The following ANKS1B variants were observed in gnomAD, a reference collection of about 807,000 sequenced individuals.
The protein encoded by ANKS1B is ankyrin repeat and sterile alpha motif domain-containing protein 1B.
ANKS1B carries 36 observed loss-of-function variants against 148.3 expected under a neutral mutation model. The observed-to-expected ratio is 0.24, with a 90% CI of 0.19 to 0.32. The LOEUF is 0.32. Among genes scored for constraint, ANKS1B ranks in the 10% least tolerant of loss-of-function variants. The pLI is 1.00. For missense variants in ANKS1B, 1,157 were observed against 1,542.6 expected (o/e 0.75, Z 4.19); for synonymous variants, 542 against 560.8 (o/e 0.97, Z 0.47).
At chr12:99,532,881 T>C (rs879111103) in intron 9 of ANKS1B, among the ~76,000 whole-genome samples, 23 of 152,198 alleles carry the variant, frequency 1.5e-4, no homozygotes, top group African/African-American at 5.3e-4. Flanking sequence ...CATTTGTCTC[T>C]GTGCCTATTT....
intron 10 of ANKS1B, among the ~76,000 whole-genome samples, chr12:99,475,073 C>G (rs918690789): frequency 6.7e-6 from 1 of 149,758 alleles, no homozygotes; most frequent in Admixed American, 6.7e-5. Flanking sequence ...GCCATCTGTA[C>G]TAAAAATACA....
intron 11 of ANKS1B, among the ~76,000 whole-genome samples, chr12:99,409,682 T>C (rs149208070): frequency 1.1e-3 from 167 of 152,096 alleles, no homozygotes; most frequent in African/African-American, 3.7e-3. Flanking sequence ...GAGATATCTA[T>C]GTGGAGAAAT....
At chr12:99,050,670 A>C (rs1447628487) in intron 17 of ANKS1B, among the ~76,000 whole-genome samples, 1 of 148,188 alleles carries the variant, frequency 6.7e-6, no homozygotes, top group South Asian at 2.1e-4. Context: ...GGAAAAGACC[A>C]GTTTTCTTTT....
At chr12:99,564,086 T>C (rs2097364439) in intron 9 of ANKS1B, among the ~76,000 whole-genome samples, 2 of 152,318 alleles carry the variant, frequency 1.3e-5, no homozygotes, top group South Asian at 4.1e-4. Context: ...TTTGTTTTGG[T>C]CTTGCACCAT....
intron 9 of ANKS1B, among the ~76,000 whole-genome samples, chr12:99,508,379 A>G (rs1789331847): frequency 6.6e-6 from 1 of 151,882 alleles, no homozygotes; most frequent in African/African-American, 2.4e-5. Context: ...AATGAAATCA[A>G]GAGATGATAA....
intron 17 of ANKS1B, among the ~76,000 whole-genome samples, chr12:98,952,517 G>T (rs1036333987): frequency 5.3e-5 from 8 of 152,076 alleles, no homozygotes; most frequent in African/African-American, 1.9e-4. Flanking sequence ...CCCTAAATAA[G>T]GACACGTCTG....
At chr12:98,957,265 A>G (rs927573893) in intron 17 of ANKS1B, among the ~76,000 whole-genome samples, 2 of 151,990 alleles carry the variant, frequency 1.3e-5, no homozygotes, top group African/African-American at 4.8e-5. Context: ...AGTGAACCCA[A>G]TTGCATTGGA....
chr12:99,528,349 G>C (rs999349939), intron 9 of ANKS1B, among the ~76,000 whole-genome samples: 18 of 149,092 alleles, frequency 1.2e-4, no homozygotes, highest in African/African-American at 3.2e-4. Context: ...AAAAACAATT[G>C]CAACAAAACC....
chr12:99,314,246 CA>C (rs2083641525), intron 12 of ANKS1B, among the ~76,000 whole-genome samples: 2 of 152,104 alleles, frequency 1.3e-5, no homozygotes, highest in African/African-American at 4.8e-5. Flanking sequence ...AACTACACAC[CA>C]CTGCTCAAGG....
chr12:99,855,254 A>G (rs1301783594), intron 1 of ANKS1B, among the ~76,000 whole-genome samples: 1 of 152,120 alleles, frequency 6.6e-6, no homozygotes, highest in Non-Finnish European at 1.5e-5. Flanking sequence ...GGAGTAACTA[A>G]TATATATTCT....
At chr12:99,472,120 A>G (rs141394438) in intron 10 of ANKS1B, among the ~76,000 whole-genome samples, 3,132 of 152,270 alleles carry the variant, frequency 0.021, 39 homozygotes, top group Middle Eastern at 0.041. Context: ...GTCTGACCTA[A>G]AAGAAAATAT....
rs144456357 is a variant in ANKS1B at position 99,199,596 on chromosome 12, A to C, written c.2419+44746T>G. The stretch of plus-strand genomic sequence containing the variant: ...TTTTTTCTACTATTGAGGCACCTGA[A>C]ATTGGATGATGAGATTTCCAATGTG... On this transcript the variant is annotated intron_variant, in intron 14 of 26. Coordinates refer to ENST00000683438, the MANE Select transcript of ANKS1B (RefSeq NM_001352186.2). Among the ~76,000 whole-genome samples the C allele has an allele frequency of 6.0e-4, 91 of 152,268 alleles. 2 individuals are homozygous for C. In the East Asian group the frequency reaches 0.015, roughly 25 times the overall value.
intron 9 of ANKS1B, among the ~76,000 whole-genome samples, chr12:99,511,736 T>C (rs941756216): frequency 9.9e-5 from 15 of 151,960 alleles, no homozygotes; most frequent in African/African-American, 3.1e-4. Context: ...TGGAACAGAA[T>C]AGAGAACTCA....
Position 98,745,174 on chromosome 12 carries a change from CAA to C in ANKS1B, c.*563_*564del. 1.0e-6 allele frequency: 1 copy of C among 985,686 alleles called. No homozygotes were observed. Among genetic ancestry groups the C allele is most frequent in the Non-Finnish European group, 1.2e-6 (1 of 829,918 alleles). The allele number at this position is 985,686 out of a possible 1,614,324, so 61.1% of individuals were successfully genotyped here. ...CATAGGTGATTACATATAAAATCCA[CAA>C]ATATAGAAATGGGGAAACAGAATCT... On this transcript the variant is annotated 3_prime_UTR_variant, in exon 27 of 27. Coordinates refer to ENST00000683438, the MANE Select transcript of ANKS1B (RefSeq NM_001352186.2).
At chr12:99,593,709 A>C (rs2097727305) in intron 9 of ANKS1B, among the ~76,000 whole-genome samples, 1 of 152,154 alleles carries the variant, frequency 6.6e-6, no homozygotes, top group South Asian at 2.1e-4. Flanking sequence ...TGTTAAATGA[A>C]GTAAAATGCC....
intron 15 of ANKS1B, among the ~76,000 whole-genome samples, chr12:99,146,166 C>T (rs2073003470): frequency 6.6e-6 from 1 of 152,034 alleles, no homozygotes; most frequent in African/African-American, 2.4e-5. Flanking sequence ...CTACTATATG[C>T]CAAGCCCTGT....
chr12:99,458,245 T>TATCA (rs1424007859), intron 10 of ANKS1B, among the ~76,000 whole-genome samples: 1 of 151,878 alleles, frequency 6.6e-6, no homozygotes, highest in African/African-American at 2.4e-5. Context: ...TGACACAACC[T>TATCA]ATCAAAACCT....
Position 99,621,990 on chromosome 12 carries a change from A to G in ANKS1B, c.1272+33077T>C, listed in dbSNP as rs376173690. On this transcript the variant is annotated intron_variant, in intron 9 of 26. Transcript: ENST00000683438. ...ACACATGGAACTTACTCCAAGATCA[A>G]CCACATGCTTGACCAGAAGGCAAAT... 1.6e-3 allele frequency among the ~76,000 whole-genome samples: 248 copies of G among 152,246 alleles called. 7 individuals are homozygous for G. In the South Asian group the frequency reaches 0.044, roughly 27 times the overall value.
chr12:98,795,049 T>C, intron 22 of ANKS1B: 1 of 661,734 alleles, frequency 1.5e-6, no homozygotes, highest in South Asian at 1.7e-5. Context: ...ATTAGCTTAT[T>C]TTTTACATAA....
Sources: gnomAD v4.1 joint callset for allele counts (sites outside exome capture counted in the v4.1 genomes callset) on GRCh38, gnomAD v4.1.1 for gene constraint, MANE v1.5 for transcripts, NCBI Gene and HGNC (gene_info 2026-07-23, HGNC 2026-07-21) for gene names.